Variants in CCSER1 observed in about 807,000 individuals in gnomAD.
CCSER1 encodes the protein coiled-coil serine rich protein 1, also known as serine-rich coiled-coil domain-containing protein 1.
In CCSER1, 41 loss-of-function variants were observed where a neutral mutation model predicts 82.0. That is an observed-to-expected ratio of 0.50 (90% CI 0.39 to 0.65). CCSER1 has a LOEUF of 0.65. Ranked by LOEUF, CCSER1 falls within the 30% of genes least tolerant of loss-of-function variation. CCSER1 has a pLI of 0.00. For synonymous variants in CCSER1, 414 were observed against 383.9 expected, an observed-to-expected ratio of 1.08 and a Z score of -0.92; for missense variants, 1,119 against 1,064.2, an observed-to-expected ratio of 1.05 and a Z score of -0.72.
intron 10 of CCSER1, among the ~76,000 whole-genome samples, chr4:91,225,442 A>G (rs894998144): frequency 1.4e-5 from 2 of 147,162 alleles, no homozygotes. Flanking sequence ...CTTAAATTTA[A>G]GACTGCAAAT....
intron 7 of CCSER1, among the ~76,000 whole-genome samples, chr4:90,789,623 C>T (rs1754968171): frequency 6.6e-6 from 1 of 152,108 alleles, no homozygotes; most frequent in Non-Finnish European, 1.5e-5. Flanking sequence ...CACATCTTTT[C>T]CTGTGCTGTT....
At chr4:90,889,312 T>C (rs898647233) in intron 8 of CCSER1, among the ~76,000 whole-genome samples, 1 of 152,168 alleles carries the variant, frequency 6.6e-6, no homozygotes, top group Non-Finnish European at 1.5e-5. Context: ...AAGAAATTTA[T>C]GTAATGGTAA....
intron 10 of CCSER1, among the ~76,000 whole-genome samples, chr4:91,473,236 G>T (rs1305414041): frequency 6.6e-6 from 1 of 152,130 alleles, no homozygotes; most frequent in Non-Finnish European, 1.5e-5. Flanking sequence ...TAACATAAAA[G>T]TCCATATGCT....
rs190748472 is a variant in CCSER1, at chr4:91,441,104, T to A, written c.2218-157468T>A. ...CAATCAATAGAAAAAGAGGGAATCC[T>A]CCCTAACTCATTTTATGAGGCCAGG... On this transcript the variant is annotated intron_variant, in intron 10 of 10. Coordinates refer to ENST00000509176, the MANE Select transcript of CCSER1 (RefSeq NM_001145065.2). 1.2e-3 allele frequency among the ~76,000 whole-genome samples: 175 copies of A among 151,498 alleles called. 4 individuals are homozygous for A. In the East Asian group the frequency reaches 0.031, roughly 27 times the overall value.
intron 7 of CCSER1, among the ~76,000 whole-genome samples, chr4:90,727,697 C>T (rs547299561): frequency 1.3e-5 from 2 of 152,276 alleles, no homozygotes; most frequent in Admixed American, 6.5e-5. Context: ...CTGGAACTAA[C>T]ACTCTTGAAG....
intron 1 of CCSER1, among the ~76,000 whole-genome samples, chr4:90,261,826 T>A (rs1380310910): frequency 2.6e-5 from 4 of 152,142 alleles, no homozygotes; most frequent in Admixed American, 1.3e-4. Flanking sequence ...TTTGTCTGAT[T>A]GGTTAATTTG....
At chr4:90,199,591 T>A (rs574160758) in intron 1 of CCSER1, among the ~76,000 whole-genome samples, 7 of 99,676 alleles carry the variant, frequency 7.0e-5, no homozygotes. Flanking sequence ...AGTTCTCTCC[T>A]TTGCCTCTCA....
At chr4:90,780,204 C>T (rs1248037361) in intron 7 of CCSER1, among the ~76,000 whole-genome samples, 2 of 152,132 alleles carry the variant, frequency 1.3e-5, no homozygotes, top group Admixed American at 6.5e-5. Flanking sequence ...GGAAGCCTAG[C>T]TTATTTACTT....
intron 10 of CCSER1, among the ~76,000 whole-genome samples, chr4:91,489,020 A>T (rs1274232825): frequency 6.6e-6 from 1 of 152,220 alleles, no homozygotes; most frequent in African/African-American, 2.4e-5. Context: ...ATCAGGAAAG[A>T]TTCCTTTCAG....
At chr4:90,399,246 C>T (rs1752457498) in intron 3 of CCSER1, among the ~76,000 whole-genome samples, 1 of 152,122 alleles carries the variant, frequency 6.6e-6, no homozygotes, top group Non-Finnish European at 1.5e-5. Flanking sequence ...ACCATCTCTT[C>T]TCAAGACTTC....
At chr4:90,492,073 A>G (rs1268228246) in intron 5 of CCSER1, among the ~76,000 whole-genome samples, 1 of 151,996 alleles carries the variant, frequency 6.6e-6, no homozygotes. Flanking sequence ...TAGTGATTGG[A>G]ATAGTTTCAG....
At chr4:90,940,129 C>T (rs1731416517) in intron 9 of CCSER1, among the ~76,000 whole-genome samples, 1 of 152,076 alleles carries the variant, frequency 6.6e-6, no homozygotes, top group South Asian at 2.1e-4. Flanking sequence ...GTATTAGCAA[C>T]TGAAGTAAGT....
intron 10 of CCSER1, among the ~76,000 whole-genome samples, chr4:91,445,073 A>T (rs958763286): frequency 4.6e-5 from 7 of 152,204 alleles, no homozygotes; most frequent in Non-Finnish European, 7.3e-5. Flanking sequence ...TAAATTCTTT[A>T]AAAACTATTT....
At chr4:90,139,301 A>G (rs1217224245) in intron 1 of CCSER1, among the ~76,000 whole-genome samples, 2 of 152,172 alleles carry the variant, frequency 1.3e-5, no homozygotes, top group African/African-American at 2.4e-5. Flanking sequence ...ATTTTCCCTT[A>G]TAGGGATATT....
At chr4:90,999,239 A>T (rs2150470795) in intron 9 of CCSER1, among the ~76,000 whole-genome samples, 1 of 152,318 alleles carries the variant, frequency 6.6e-6, no homozygotes, top group African/African-American at 2.4e-5. Context: ...ACTTTTGGAT[A>T]TACATCCAGT....
At chr4:90,916,371 CTAT>C (rs1464592621) in intron 8 of CCSER1, among the ~76,000 whole-genome samples, 2 of 152,154 alleles carry the variant, frequency 1.3e-5, no homozygotes, top group African/African-American at 4.8e-5. Context: ...ATATCTACAA[CTAT>C]CTGATCTTTG....
chr4:91,363,171 G>T (rs990082239), intron 10 of CCSER1, among the ~76,000 whole-genome samples: 1 of 151,612 alleles, frequency 6.6e-6, no homozygotes, highest in Non-Finnish European at 1.5e-5. Context: ...AAAAAACAGG[G>T]TAGATAAAAT....
At chr4:90,700,338 A>G (rs1247275703) in intron 6 of CCSER1, among the ~76,000 whole-genome samples, 1 of 152,122 alleles carries the variant, frequency 6.6e-6, no homozygotes, top group Non-Finnish European at 1.5e-5. Flanking sequence ...TTATGGCTGC[A>G]TAGTATTCCA....
rs148955809 is a variant in CCSER1, at chr4:91,078,825, G to A, written c.2173-7125G>A. ...CAGATTTAATCAAATGGAAGAAAGG[G>A]TATCAGTGATTGAAGATCAAATGAA... On this transcript the variant is annotated intron_variant, in intron 9 of 10. Transcript: ENST00000509176. Among the ~76,000 whole-genome samples, 1,346 of 152,262 alleles carry A rather than the reference G, an allele frequency of 8.8e-3. 21 individuals carry two copies. The highest frequency in any genetic ancestry group is 0.03 in the African/African-American group (1,258 of 41,550).
Sources: gnomAD v4.1 joint callset for allele counts (sites outside exome capture counted in the v4.1 genomes callset) on GRCh38, gnomAD v4.1.1 for gene constraint, MANE v1.5 for transcripts, NCBI Gene and HGNC (gene_info 2026-07-23, HGNC 2026-07-21) for gene names.